LINGO2: variants seen among roughly 807,000 people sequenced by gnomAD.
LINGO2 encodes leucine rich repeat and Ig domain containing 2, also known as leucine-rich repeat and immunoglobulin-like domain-containing nogo receptor-interacting protein 2.
In LINGO2, 14 loss-of-function variants were observed where a neutral mutation model predicts 30.6. That is an observed-to-expected ratio of 0.46 (90% CI 0.30 to 0.72). The LOEUF is 0.72. LINGO2 is among the 30% of genes least tolerant of loss of function. The pLI, the probability that LINGO2 is intolerant of heterozygous loss-of-function variation, is 0.07. For missense variants in LINGO2, 729 were observed against 751.7 expected, an observed-to-expected ratio of 0.97 and a Z score of 0.35; for synonymous variants, 317 against 288.5, an observed-to-expected ratio of 1.10 and a Z score of -1.00.
At chr9:28,054,536 G>C (rs1374116503) in intron 4 of LINGO2, among the ~76,000 whole-genome samples, 2 of 152,074 alleles carry the variant, frequency 1.3e-5, no homozygotes, top group Admixed American at 6.6e-5. Flanking sequence ...TTTACTGCAT[G>C]AAGTTTGAAG....
In LINGO2 at chr9:28,048,923, C is replaced by T. The variant is rs139129877; in HGVS notation, c.-86-36518G>A. 1.8e-4 allele frequency among the ~76,000 whole-genome samples: 27 copies of T among 147,960 alleles called. 2 individuals carry two copies. Among genetic ancestry groups the T allele is most frequent in the Admixed American group, 6.7e-4 (10 of 14,950 alleles). On this transcript the variant is annotated intron_variant, in intron 4 of 5. Transcript: ENST00000379992. ...TATGCACATAGAACAAATTCTATCC[C>T]GAGTGTAACAAAGCAAATGCATGTA...
chr9:28,598,089 C>G (rs1004339872), intron 1 of LINGO2, among the ~76,000 whole-genome samples: 4 of 152,016 alleles, frequency 2.6e-5, no homozygotes, highest in Admixed American at 2.6e-4. Flanking sequence ...AATAGTCTCT[C>G]AGTTATGAAT....
intron 2 of LINGO2, among the ~76,000 whole-genome samples, chr9:28,406,603 G>A (rs1822525139): frequency 6.6e-6 from 1 of 151,992 alleles, no homozygotes; most frequent in African/African-American, 2.4e-5. Context: ...CAGAACAGGT[G>A]AAAACAACTC....
At chr9:28,536,253 A>G (rs1821433416) in intron 1 of LINGO2, among the ~76,000 whole-genome samples, 1 of 152,052 alleles carries the variant, frequency 6.6e-6, no homozygotes, top group Admixed American at 6.6e-5. Flanking sequence ...CTTACTTTGT[A>G]ACTATAATTT....
At chr9:28,262,254 T>A (rs539357152) in intron 4 of LINGO2, among the ~76,000 whole-genome samples, 6 of 118,690 alleles carry the variant, frequency 5.1e-5, no homozygotes, top group African/African-American at 1.9e-4. Context: ...CACCTACTAG[T>A]CCTTACTGAA....
At chr9:28,787,549 C>A in the LINGO2 span, among the ~76,000 whole-genome samples, 2 of 152,170 alleles carry the variant, frequency 1.3e-5, no homozygotes, top group African/African-American at 4.8e-5. Flanking sequence ...GTCAAAAAAT[C>A]TAGAACAATA....
the LINGO2 span, among the ~76,000 whole-genome samples, chr9:29,143,641 A>G: frequency 6.6e-6 from 1 of 152,140 alleles, no homozygotes; most frequent in Admixed American, 6.6e-5. Context: ...TAGAATACAC[A>G]TTAAAAAATC....
the LINGO2 span, among the ~76,000 whole-genome samples, chr9:28,722,574 T>C: frequency 4.6e-5 from 7 of 152,134 alleles, no homozygotes; most frequent in Non-Finnish European, 7.4e-5. Context: ...TCTGACAGTG[T>C]CATTACTGAA....
chr9:29,061,759 C>T, the LINGO2 span, among the ~76,000 whole-genome samples: 1 of 151,952 alleles, frequency 6.6e-6, no homozygotes, highest in South Asian at 2.1e-4. Flanking sequence ...TCAAGCATTG[C>T]ATTTGACAAT....
chr9:28,732,208 C>G, the LINGO2 span, among the ~76,000 whole-genome samples: 4 of 152,052 alleles, frequency 2.6e-5, no homozygotes, highest in Non-Finnish European at 4.4e-5. Context: ...TACCTCAGCC[C>G]TCACTGATCT....
chr9:28,271,444 T>C (rs1822937279), intron 4 of LINGO2, among the ~76,000 whole-genome samples: 2 of 152,042 alleles, frequency 1.3e-5, no homozygotes, highest in Non-Finnish European at 1.5e-5. Flanking sequence ...AATTAAGAAG[T>C]AAAAAAACTA....
chr9:28,290,385 G>A (rs1290210588), intron 4 of LINGO2, among the ~76,000 whole-genome samples: 1 of 152,134 alleles, frequency 6.6e-6, no homozygotes, highest in African/African-American at 2.4e-5. Flanking sequence ...ACTTTGGACT[G>A]CCTGAGGTCA....
At chr9:29,208,585 A>G in the LINGO2 span, among the ~76,000 whole-genome samples, 1 of 152,140 alleles carries the variant, frequency 6.6e-6, no homozygotes, top group African/African-American at 2.4e-5. Context: ...AAGTTTTACA[A>G]GCATTCTTTA....
chr9:28,915,064 G>C, the LINGO2 span, among the ~76,000 whole-genome samples: 1 of 152,086 alleles, frequency 6.6e-6, no homozygotes, highest in Admixed American at 6.5e-5. Context: ...CCCGGGAGGC[G>C]GAGGTTGCAG....
chr9:29,144,037 A>G, the LINGO2 span, among the ~76,000 whole-genome samples: 1 of 152,072 alleles, frequency 6.6e-6, no homozygotes, highest in Non-Finnish European at 1.5e-5. Flanking sequence ...TCATTTCCCC[A>G]TTGCTTGTTT....
At chr9:28,100,825 T>C (rs1826392888) in intron 4 of LINGO2, among the ~76,000 whole-genome samples, 1 of 152,132 alleles carries the variant, frequency 6.6e-6, no homozygotes. Context: ...ATTGATGAAT[T>C]GACTGGGAAT....
chr9:28,189,237 AAGGAAGGG>A (rs545976977), intron 4 of LINGO2, among the ~76,000 whole-genome samples: 5 of 131,236 alleles, frequency 3.8e-5, no homozygotes, highest in Non-Finnish European at 6.6e-5. Flanking sequence ...GGAAGGAAAA[AAGGAAGGG>A]AGGAAGGGAG....
At chr9:28,713,353 G>A in the LINGO2 span, among the ~76,000 whole-genome samples, 1 of 152,110 alleles carries the variant, frequency 6.6e-6, no homozygotes. Context: ...GTATGAGAGA[G>A]ACTCTAACTA....
At chr9:29,104,898 T>C in the LINGO2 span, among the ~76,000 whole-genome samples, 5 of 152,236 alleles carry the variant, frequency 3.3e-5, no homozygotes, top group African/African-American at 9.6e-5. Context: ...ATGTAAGAAA[T>C]AACAAGAGGA....
Sources: allele counts gnomAD v4.1 joint callset (sites outside exome capture counted in the v4.1 genomes callset), GRCh38; gene constraint gnomAD v4.1.1; transcripts MANE v1.5; gene names NCBI Gene and HGNC (gene_info 2026-07-23, HGNC 2026-07-21).